Variants in PSTPIP2 observed in about 807,000 individuals in gnomAD.
PSTPIP2 encodes proline-serine-threonine phosphatase interacting protein 2, also known as proline-serine-threonine phosphatase-interacting protein 2.
A neutral mutation model predicts 63.3 loss-of-function variants in PSTPIP2; 33 were observed. The ratio of observed to expected loss-of-function variants is 0.52; its 90% CI spans 0.40 to 0.70. PSTPIP2 has a LOEUF of 0.70. PSTPIP2 is among the 30% of genes least tolerant of loss of function. The probability of loss-of-function intolerance (pLI) is 0.00; values close to 1 mark genes in which losing one functional copy is unlikely to be tolerated. For missense variants in PSTPIP2, 312 were observed against 400.7 expected, an observed-to-expected ratio of 0.78 and a Z score of 1.89; for synonymous variants, 125 against 132.7, an observed-to-expected ratio of 0.94 and a Z score of 0.40.
chr18:46,060,456 T>C (rs891102747), intron 1 of PSTPIP2, among the ~76,000 whole-genome samples: 11 of 152,356 alleles, frequency 7.2e-5, no homozygotes, highest in Non-Finnish European at 1.3e-4. Context: ...GATATCATTA[T>C]CCTCACTGCA....
At position 46,009,027 on chromosome 18, in the gene PSTPIP2, C is replaced by A. The variant is rs657920; in HGVS notation, c.354+2154G>T. Among the ~76,000 whole-genome samples the A allele has an allele frequency of 4.6e-5, 7 of 152,202 alleles. No individual in the cohort carries two copies. The Middle Eastern group carries it at 0.01, about 222-fold the overall frequency. ...GTGTTCAGATAGCGTCTTCCTCCCC[C>A]CCATCATGTAAGGCACATCACGCTT... On this transcript the variant is annotated intron_variant, in intron 5 of 14. Coordinates refer to ENST00000409746, the MANE Select transcript of PSTPIP2 (RefSeq NM_024430.4).
intron 3 of PSTPIP2, chr18:46,016,227 A>T: frequency 3.0e-6 from 1 of 335,544 alleles, no homozygotes; most frequent in East Asian, 5.3e-5. Context: ...TTTTCTCATA[A>T]GAATACCAGT....
At position 46,033,005 on chromosome 18, in the gene PSTPIP2, T is replaced by A. The variant is rs1397042117; in HGVS notation, c.134+6942A>T. ...TATATGCCATTCACAGCACCTCAAC[T>A]GAATGATAAGTTCCTTGGGAAGACC... is the stretch of plus-strand genomic sequence containing the variant. On this transcript the variant is annotated intron_variant, in intron 2 of 14. Coordinates refer to ENST00000409746, the MANE Select transcript of PSTPIP2 (RefSeq NM_024430.4). 2.0e-5 allele frequency among the ~76,000 whole-genome samples: 3 copies of A among 152,178 alleles called. No homozygotes were observed. In the East Asian group the frequency reaches 5.8e-4, roughly 29 times the overall value.
At chr18:46,006,291 T>G (rs1599708061) in intron 5 of PSTPIP2, among the ~76,000 whole-genome samples, 1 of 150,168 alleles carries the variant, frequency 6.7e-6, no homozygotes, top group Non-Finnish European at 1.5e-5. Flanking sequence ...TGACCTCAGG[T>G]GATCCACCCA....
chr18:46,007,567 C>T (rs2051741752), intron 5 of PSTPIP2, among the ~76,000 whole-genome samples: 1 of 152,240 alleles, frequency 6.6e-6, no homozygotes, highest in African/African-American at 2.4e-5. Context: ...TTTTCCCAGG[C>T]TACACAGAGC....
chr18:45,994,310 G>A (rs570095564), intron 9 of PSTPIP2, among the ~76,000 whole-genome samples: 1 of 152,300 alleles, frequency 6.6e-6, no homozygotes, highest in South Asian at 2.1e-4. Context: ...TGATACATCA[G>A]TGTATTTTTA....
rs143653508 is a variant in PSTPIP2 at position 46,039,983 on chromosome 18, T to C, written c.98A>G (p.Lys33Arg). 57 of 1,613,948 alleles carry C rather than the reference T, an allele frequency of 3.5e-5. No individual in the cohort carries two copies. The highest frequency in any genetic ancestry group is 3.3e-4 in the Middle Eastern group (2 of 6,062). The change falls in exon 2 of 15, where the codon AAG (lysine) becomes AGG (arginine). Residue 33 changes from lysine (K) to arginine (R), a missense_variant. Coordinates refer to ENST00000409746, the MANE Select transcript of PSTPIP2 (RefSeq NM_024430.4). ...AAAGTCTTCAAACTCTTTGCAGTTCTTGCGGCCATTGTTCAGATGTTGGAT... is the reference window on the plus strand; with the variant it reads ...AAAGTCTTCAAACTCTTTGCAGTTCCTGCGGCCATTGTTCAGATGTTGGAT... ...NIIQHLNNGR[K>R]NCKEFEDFLK...
intron 1 of PSTPIP2, among the ~76,000 whole-genome samples, chr18:46,040,791 G>T (rs1168095282): frequency 1.3e-5 from 2 of 152,156 alleles, no homozygotes; most frequent in Non-Finnish European, 2.9e-5. Context: ...AGACTGAAGG[G>T]CCACAAAACA....
chr18:46,039,203 A>C (rs1236967602), intron 2 of PSTPIP2, among the ~76,000 whole-genome samples: 2 of 152,166 alleles, frequency 1.3e-5, no homozygotes, highest in African/African-American at 2.4e-5. Flanking sequence ...GTAAAATGGA[A>C]TATTCTAGAT....
At chr18:46,021,797 A>T (rs11082506) in intron 3 of PSTPIP2, among the ~76,000 whole-genome samples, 29,708 of 143,918 alleles carry the variant, frequency 0.21, 3,820 homozygotes, top group East Asian at 0.41. Flanking sequence ...AATACAAAAA[A>T]TTAGCCGGGC....
chr18:46,019,390 G>A (rs1032088476), intron 3 of PSTPIP2, among the ~76,000 whole-genome samples: 7 of 152,138 alleles, frequency 4.6e-5, no homozygotes, highest in African/African-American at 1.7e-4. Flanking sequence ...TTTCTCACAT[G>A]AACATTTGCG....
At chr18:46,064,736 CAT>C (rs1394058755) in intron 1 of PSTPIP2, among the ~76,000 whole-genome samples, 2 of 152,070 alleles carry the variant, frequency 1.3e-5, no homozygotes, top group East Asian at 3.8e-4. Flanking sequence ...ATTAGAGAAA[CAT>C]AGTAAAATGG....
At position 46,039,977 on chromosome 18, in the gene PSTPIP2, C is replaced by A; in HGVS notation, c.104G>T (p.Cys35Phe). Residue 35 changes from cysteine to phenylalanine, a missense_variant, in exon 2 of 15, where the codon TGC becomes TTC. Transcript: ENST00000409746. ...IQHLNNGRKN[C>F]KEFEDFLKER... ...TTTTAGAAAGTCTTCAAACTCTTTGCAGTTCTTGCGGCCATTGTTCAGATG... is the reference window on the plus strand; with the variant it reads ...TTTTAGAAAGTCTTCAAACTCTTTGAAGTTCTTGCGGCCATTGTTCAGATG... 3 of 1,613,594 alleles carry A rather than the reference C, an allele frequency of 1.9e-6. No individual in the cohort carries two copies. Among genetic ancestry groups the A allele is most frequent in the Non-Finnish European group, 2.5e-6 (3 of 1,179,580 alleles).
intron 5 of PSTPIP2, among the ~76,000 whole-genome samples, chr18:46,007,516 G>A (rs2051741104): frequency 6.6e-6 from 1 of 152,258 alleles, no homozygotes; most frequent in African/African-American, 2.4e-5. Context: ...CCCTCTGCCA[G>A]GAGGAGAAGC....
At position 46,015,907 on chromosome 18, in the gene PSTPIP2, C is replaced by T. The variant is rs2051848395; in HGVS notation, c.243G>A (p.Lys81=). The change falls in exon 4 of 15, where the codon AAG becomes AAA. Residue 81 remains lysine, a synonymous_variant. Coordinates refer to ENST00000409746, the MANE Select transcript of PSTPIP2 (RefSeq NM_024430.4). The part of the protein sequence containing the change: ...NTLKRALEVF[K]QQVDNVAQCH... Reference sequence around the variant, plus strand: ...TTTAAAAAAAAAATCACTTACGCTGCTTGAAGACTTCAAGGGCCCGCTTCA... The same window carrying T: ...TTTAAAAAAAAAATCACTTACGCTGTTTGAAGACTTCAAGGGCCCGCTTCA... The T allele has an allele frequency of 1.9e-6, 3 of 1,612,032 alleles. No individual in the cohort carries two copies. Among genetic ancestry groups the T allele is most frequent in the Non-Finnish European group, 2.5e-6 (3 of 1,178,922 alleles).
intron 3 of PSTPIP2, among the ~76,000 whole-genome samples, chr18:46,016,409 C>A (rs953044505): frequency 6.6e-6 from 1 of 152,086 alleles, no homozygotes; most frequent in Non-Finnish European, 1.5e-5. Flanking sequence ...GAATACAAGG[C>A]AACAAAGGAA....
intron 4 of PSTPIP2, among the ~76,000 whole-genome samples, chr18:46,012,349 G>A (rs73953961): frequency 0.017 from 2,567 of 152,074 alleles, 83 homozygotes; most frequent in African/African-American, 0.059. Flanking sequence ...AAAAGAACGA[G>A]GCAGATCTAT....
At position 46,071,948 on chromosome 18, in the gene PSTPIP2, G is replaced by A. The variant is rs562294883; in HGVS notation, c.33+208C>T. Among the ~76,000 whole-genome samples, 124 of 152,238 alleles carry A rather than the reference G, an allele frequency of 8.1e-4. 1 individual carries two copies. Among genetic ancestry groups the A allele is most frequent in the South Asian group, 3.7e-3 (18 of 4,830 alleles). Reference sequence around the variant, plus strand: ...GCGGTGGGTAGCGGGGGACAGAGAGGGAACAGCAGCCCGGCGTCCGCTCCA... The same window carrying A: ...GCGGTGGGTAGCGGGGGACAGAGAGAGAACAGCAGCCCGGCGTCCGCTCCA... On this transcript the variant is annotated intron_variant, in intron 1 of 14. Transcript: ENST00000409746.
intron 1 of PSTPIP2, among the ~76,000 whole-genome samples, chr18:46,053,046 AG>A (rs1908636913): frequency 6.6e-6 from 1 of 152,312 alleles, no homozygotes; most frequent in South Asian, 2.1e-4. Flanking sequence ...GTAATCTCCA[AG>A]TTTACACATC....
Sources: allele counts gnomAD v4.1 joint callset (sites outside exome capture counted in the v4.1 genomes callset), GRCh38; gene constraint gnomAD v4.1.1; transcripts MANE v1.5; gene names NCBI Gene and HGNC (gene_info 2026-07-23, HGNC 2026-07-21).